Variants in XDH observed in about 807,000 individuals in gnomAD.
XDH encodes the protein xanthine dehydrogenase.
In XDH, 138 loss-of-function variants were observed where a neutral mutation model predicts 156.1. The observed-to-expected ratio is 0.88, with a 90% CI of 0.77 to 1.02. XDH has a LOEUF of 1.02. XDH is among the 50% of genes least tolerant of loss of function. The pLI is 0.00. For synonymous variants in XDH, 669 were observed against 625.7 expected, an observed-to-expected ratio of 1.07 and a Z score of -1.03; for missense variants, 1,849 against 1,684.9, an observed-to-expected ratio of 1.10 and a Z score of -1.71.
intron 12 of XDH, among the ~76,000 whole-genome samples, chr2:31,380,768 T>C (rs1351452661): frequency 6.6e-6 from 1 of 152,220 alleles, no homozygotes; most frequent in Non-Finnish European, 1.5e-5. Flanking sequence ...TGCTGAATCC[T>C]CTCAGTGAAT....
At chr2:31,341,487 C>A in intron 32 of XDH, 93 bp from the exon 33 acceptor site, 1 of 1,322,980 alleles carries the variant, frequency 7.6e-7, no homozygotes, top group Middle Eastern at 1.8e-4. Flanking sequence ...ACTACAAGTG[C>A]CAACCAAAGA....
At chr2:31,393,491 A>G (rs575092843) in intron 6 of XDH, among the ~76,000 whole-genome samples, 40 of 152,246 alleles carry the variant, frequency 2.6e-4, no homozygotes, top group African/African-American at 9.4e-4. Context: ...CTTAGTTTTA[A>G]TCTATCTGTG....
chr2:31,409,352 C>T (rs935327001), intron 1 of XDH, among the ~76,000 whole-genome samples: 1 of 152,144 alleles, frequency 6.6e-6, no homozygotes, highest in African/African-American at 2.4e-5. Flanking sequence ...CATTTTCTAT[C>T]ATGTAATTAT....
At position 31,372,327 on chromosome 2, in the gene XDH, T is replaced by C; in HGVS notation, c.1757A>G (p.Gln586Arg). Residue 586 changes from glutamine (Q) to arginine (R), a missense_variant, in exon 17 of 36, where the codon CAG becomes CGG. Transcript: ENST00000379416. ...RPLPHLAADMQASGEAVYCDD... is the reference protein window; with the variant it reads ...RPLPHLAADMRASGEAVYCDD... ...ACAGTACACGGCCTCACCAGAGGCC[T>C]GCATGTCCGCTGCCAGGTGGGGCAG... The C allele has an allele frequency of 1.2e-6, 2 of 1,614,198 alleles. No individual in the cohort carries two copies. Among genetic ancestry groups the C allele is most frequent in the Non-Finnish European group, 1.7e-6 (2 of 1,180,036 alleles).
intron 30 of XDH, among the ~76,000 whole-genome samples, chr2:31,346,095 T>C (rs1685282127): frequency 6.6e-6 from 1 of 152,228 alleles, no homozygotes; most frequent in South Asian, 2.1e-4. Context: ...GTTACTCTTC[T>C]GCCCAGTTCT....
intron 24 of XDH, among the ~76,000 whole-genome samples, chr2:31,363,439 T>C (rs1685830505): frequency 6.6e-6 from 1 of 152,208 alleles, no homozygotes; most frequent in Admixed American, 6.5e-5. Context: ...GGAAAGTAGA[T>C]TAATGATGAC....
In XDH at chr2:31,334,358, C is replaced by A. The variant is rs949186214; in HGVS notation, c.*1600G>T. On this transcript the variant is annotated 3_prime_UTR_variant, in exon 36 of 36. Transcript: ENST00000379416. ...TTCATTTATTAGTGACATCAAGCAC[C>A]AGTCCAACTATATCATTTCCACTAT... 2.0e-5 allele frequency: 3 copies of A among 152,124 alleles called. No individual in the cohort carries two copies. The highest frequency in any genetic ancestry group is 7.2e-5 in the African/African-American group (3 of 41,418). 9.4% of individuals were successfully genotyped at this position (152,124 alleles called of 1,614,324 possible). A position where few individuals can be genotyped will look rare whatever the true frequency, so the allele number is the denominator to read the frequency against.
chr2:31,338,210 A>G (rs1222720796), intron 34 of XDH, among the ~76,000 whole-genome samples: 1 of 152,252 alleles, frequency 6.6e-6, no homozygotes, highest in Non-Finnish European at 1.5e-5. Flanking sequence ...CTCTGACACC[A>G]ACATTTACAG....
intron 1 of XDH, among the ~76,000 whole-genome samples, chr2:31,413,295 G>C (rs45596638): frequency 0.011 from 1,668 of 152,320 alleles, 27 homozygotes; most frequent in African/African-American, 0.036. Flanking sequence ...CAATGTAATT[G>C]CTGAAGGAAA....
intron 2 of XDH, among the ~76,000 whole-genome samples, chr2:31,405,476 C>T (rs1323650617): frequency 6.6e-6 from 1 of 152,108 alleles, no homozygotes. Flanking sequence ...CTCACGCATC[C>T]TTTTCCCAAT....
rs1467667704 is a variant in XDH, at chr2:31,349,846, A to G, written c.2824-15T>C. 3 of 1,613,672 alleles carry G rather than the reference A, an allele frequency of 1.9e-6. No homozygotes were observed. Among genetic ancestry groups the G allele is most frequent in the Non-Finnish European group, 2.5e-6 (3 of 1,180,030 alleles). On this transcript the variant is annotated splice_polypyrimidine_tract_variant and intron_variant, in intron 25 of 35. Coordinates refer to ENST00000379416, the MANE Select transcript of XDH (RefSeq NM_000379.4). ...TTTCTCCGCACCTTCCCAAGGAGAG[A>G]GACACAGAGGCCTTGTTGGCGGCAA...
intron 9 of XDH, among the ~76,000 whole-genome samples, chr2:31,385,003 T>G (rs1270049352): frequency 6.6e-6 from 1 of 152,168 alleles, no homozygotes; most frequent in African/African-American, 2.4e-5. Flanking sequence ...TTAGGTAATC[T>G]TTGTTATTCA....
At chr2:31,397,077 G>T (rs1028050520) in intron 6 of XDH, among the ~76,000 whole-genome samples, 1 of 152,214 alleles carries the variant, frequency 6.6e-6, no homozygotes, top group Admixed American at 6.5e-5. Context: ...GGAGATGCCA[G>T]CTCTCTGCCT....
intron 9 of XDH, 66 bp from the exon 10 acceptor site, chr2:31,383,913 C>G (rs1558305933): frequency 5.1e-6 from 7 of 1,362,006 alleles, no homozygotes; most frequent in East Asian, 2.3e-5. Context: ...GCCTTAGCAG[C>G]TTTTCTCACC....
chr2:31,348,123 A>G (rs1685351148), intron 28 of XDH, 145 bp downstream of exon 28: 2 of 836,116 alleles, frequency 2.4e-6, no homozygotes, highest in African/African-American at 3.4e-5. Flanking sequence ...GTGGGGGAAA[A>G]GACTTGCCCG....
At chr2:31,377,544 G>A (rs888961850) in intron 13 of XDH, among the ~76,000 whole-genome samples, 1 of 152,102 alleles carries the variant, frequency 6.6e-6, no homozygotes. Context: ...GGGGAAGAAG[G>A]GTGCTTTCAC....
chr2:31,342,367 G>T (rs939620127), intron 31 of XDH, 70 bp from the exon 32 acceptor site: 2 of 1,336,432 alleles, frequency 1.5e-6, no homozygotes, highest in Non-Finnish European at 1.1e-6. Flanking sequence ...TGCACGTACA[G>T]CTTGACCCAC....
At chr2:31,368,470 G>C in intron 19 of XDH, 71 bp downstream of exon 19, 6 of 1,591,794 alleles carry the variant, frequency 3.8e-6, no homozygotes. Context: ...TCCCCTCCAG[G>C]GGATCCTAAT....
chr2:31,403,785 A>G, intron 2 of XDH, among the ~76,000 whole-genome samples: 1 of 152,036 alleles, frequency 6.6e-6, no homozygotes, highest in South Asian at 2.1e-4. Context: ...TGCTACTTTG[A>G]GTTTTAAAAG....
Sources: allele counts gnomAD v4.1 joint callset (sites outside exome capture counted in the v4.1 genomes callset), GRCh38; gene constraint gnomAD v4.1.1; transcripts MANE v1.5; gene names NCBI Gene and HGNC (gene_info 2026-07-23, HGNC 2026-07-21).